ZNF704: variants seen among roughly 807,000 people sequenced by gnomAD.
ZNF704 encodes glucocorticoid induced gene 1.
In ZNF704, 10 loss-of-function variants were observed where a neutral mutation model predicts 44.7. That is an observed-to-expected ratio of 0.22 (90% CI 0.14 to 0.38). The LOEUF (loss-of-function observed/expected upper bound fraction) is 0.38, where lower values mean the gene tolerates loss of function less well. ZNF704 is among the 10% of genes least tolerant of loss of function. ZNF704 has a pLI of 1.00. For synonymous variants in ZNF704, 211 were observed against 207.6 expected, an observed-to-expected ratio of 1.02 and a Z score of -0.14; for missense variants, 390 against 545.5, an observed-to-expected ratio of 0.71 and a Z score of 2.84.
intron 2 of ZNF704, among the ~76,000 whole-genome samples, chr8:80,820,819 C>T (rs1186238717): frequency 6.6e-6 from 1 of 152,122 alleles, no homozygotes; most frequent in Admixed American, 6.5e-5. Context: ...GGCAGGAGGA[C>T]TGCTTGTGCC....
intron 2 of ZNF704, among the ~76,000 whole-genome samples, chr8:80,743,090 G>A (rs950204457): frequency 2.0e-5 from 3 of 150,872 alleles, no homozygotes; most frequent in Non-Finnish European, 2.9e-5. Flanking sequence ...AACAATGATC[G>A]GGATATAAAC....
chr8:80,744,961 A>G (rs1169419878), intron 2 of ZNF704, among the ~76,000 whole-genome samples: 1 of 152,188 alleles, frequency 6.6e-6, no homozygotes, highest in East Asian at 1.9e-4. Flanking sequence ...CAGAAATGAC[A>G]CTTGTATGCA....
At chr8:80,685,112 C>A (rs1409265695) in intron 4 of ZNF704, among the ~76,000 whole-genome samples, 2 of 151,474 alleles carry the variant, frequency 1.3e-5, no homozygotes, top group African/African-American at 4.9e-5. Context: ...CTGGAGTGGG[C>A]CTGTGCTCAT....
At chr8:80,787,044 G>C (rs1381970941) in intron 2 of ZNF704, among the ~76,000 whole-genome samples, 1 of 152,192 alleles carries the variant, frequency 6.6e-6, no homozygotes, top group Non-Finnish European at 1.5e-5. Context: ...GATTGAAGCA[G>C]AGGTGGATAG....
intron 2 of ZNF704, among the ~76,000 whole-genome samples, chr8:80,775,111 T>C (rs142093205): frequency 1.5e-4 from 23 of 152,314 alleles, no homozygotes; most frequent in African/African-American, 4.8e-4. Context: ...TACTCAGCTA[T>C]TTTTATTAAC....
intron 2 of ZNF704, among the ~76,000 whole-genome samples, chr8:80,788,681 G>A (rs1807655043): frequency 6.6e-6 from 1 of 152,204 alleles, no homozygotes; most frequent in African/African-American, 2.4e-5. Context: ...GGCGGAGCAT[G>A]AAGTCACAAG....
chr8:80,648,434 GCTT>G (rs1817865656), intron 7 of ZNF704, among the ~76,000 whole-genome samples: 1 of 152,156 alleles, frequency 6.6e-6, no homozygotes, highest in Non-Finnish European at 1.5e-5. Context: ...TCATGTTTCA[GCTT>G]CTTATTTTAG....
At chr8:80,810,903 T>C (rs1586044272) in intron 2 of ZNF704, among the ~76,000 whole-genome samples, 1 of 152,056 alleles carries the variant, frequency 6.6e-6, no homozygotes, top group Admixed American at 6.6e-5. Context: ...CCGTGGATGC[T>C]CCTCCCCGCC....
chr8:80,663,366 CA>C (rs113981733), intron 6 of ZNF704, among the ~76,000 whole-genome samples: 19,853 of 96,376 alleles, frequency 0.21, 2,256 homozygotes, highest in African/African-American at 0.4. Flanking sequence ...GACCCTGTCT[CA>C]AAAAAAAAAA....
intron 7 of ZNF704, among the ~76,000 whole-genome samples, chr8:80,649,299 A>T (rs1817877683): frequency 1.3e-5 from 2 of 152,118 alleles, no homozygotes; most frequent in Non-Finnish European, 2.9e-5. Flanking sequence ...ACTCACTGGG[A>T]AGTGTCAGAT....
At chr8:80,863,249 T>C (rs985839938) in intron 1 of ZNF704, among the ~76,000 whole-genome samples, 45 of 152,140 alleles carry the variant, frequency 3.0e-4, no homozygotes, top group South Asian at 1.0e-3. Context: ...TTGCAAAAAA[T>C]TGTTAAAAAT....
At chr8:80,863,736 A>T (rs1477317764) in intron 1 of ZNF704, among the ~76,000 whole-genome samples, 1 of 152,236 alleles carries the variant, frequency 6.6e-6, no homozygotes, top group Non-Finnish European at 1.5e-5. Context: ...TGGTATCAAC[A>T]TTCACAAGTG....
chr8:80,836,605 C>T (rs1218943493), intron 1 of ZNF704, among the ~76,000 whole-genome samples: 1 of 151,888 alleles, frequency 6.6e-6, no homozygotes, highest in African/African-American at 2.4e-5. Flanking sequence ...GGCAACCCCC[C>T]GTCTCTACAA....
chr8:80,690,946 T>C (rs1404407664), intron 3 of ZNF704, among the ~76,000 whole-genome samples: 1 of 151,976 alleles, frequency 6.6e-6, no homozygotes, highest in African/African-American at 2.4e-5. Context: ...GAGGCGGCAG[T>C]TGCAGTGAGC....
chr8:80,806,348 G>A (rs1337517179), intron 2 of ZNF704, among the ~76,000 whole-genome samples: 4 of 152,106 alleles, frequency 2.6e-5, no homozygotes, highest in African/African-American at 4.8e-5. Flanking sequence ...TTGGCATCAC[G>A]TAATGACCAT....
At chr8:80,782,676 A>C (rs1268638321) in intron 2 of ZNF704, among the ~76,000 whole-genome samples, 1 of 152,174 alleles carries the variant, frequency 6.6e-6, no homozygotes, top group Non-Finnish European at 1.5e-5. Context: ...AGGGTAAGAA[A>C]GAGCCTGAAA....
At chr8:80,681,841 C>T (rs918174151) in intron 4 of ZNF704, among the ~76,000 whole-genome samples, 2 of 152,118 alleles carry the variant, frequency 1.3e-5, no homozygotes, top group African/African-American at 4.8e-5. Flanking sequence ...TTCCAAAGTC[C>T]TTCGAACTCC....
chr8:80,811,536 A>T (rs1276825502), intron 2 of ZNF704, among the ~76,000 whole-genome samples: 1 of 152,188 alleles, frequency 6.6e-6, no homozygotes, highest in Admixed American at 6.5e-5. Context: ...CACCAAAAAG[A>T]ACCTGCTTTA....
At chr8:80,801,362 T>C (rs1330698613) in intron 2 of ZNF704, among the ~76,000 whole-genome samples, 1 of 152,128 alleles carries the variant, frequency 6.6e-6, no homozygotes, top group African/African-American at 2.4e-5. Flanking sequence ...CAACAAAATA[T>C]ACATTCTTCT....
Sources: allele counts gnomAD v4.1 joint callset (sites outside exome capture counted in the v4.1 genomes callset), GRCh38; gene constraint gnomAD v4.1.1; transcripts MANE v1.5; gene names NCBI Gene and HGNC (gene_info 2026-07-23, HGNC 2026-07-21).